THEM5: variants seen among roughly 807,000 people sequenced by gnomAD.
The protein encoded by THEM5 is acyl-coenzyme A thioesterase THEM5.
A neutral mutation model predicts 24.2 loss-of-function variants in THEM5; 28 were observed. That is an observed-to-expected ratio of 1.16 (90% CI 0.86 to 1.59). The LOEUF is 1.59. Among genes scored for constraint, THEM5 ranks in the 40% most tolerant of loss-of-function variants. The pLI, the probability that THEM5 is intolerant of heterozygous loss-of-function variation, is 0.00. For missense variants in THEM5, 260 were observed against 296.8 expected (o/e 0.88, Z 0.91); for synonymous variants, 87 against 114.5 (o/e 0.76, Z 1.53).
intron 2 of THEM5, 76 bp downstream of exon 2, chr1:151,852,182 T>G (rs1187264769): frequency 7.1e-7 from 1 of 1,399,866 alleles, no homozygotes; most frequent in African/African-American, 1.4e-5. Flanking sequence ...TGGAAGGCGG[T>G]CTGTGAAGTT....
intron 4 of THEM5, 128 bp from the exon 5 acceptor site, chr1:151,847,990 G>A: frequency 6.6e-7 from 1 of 1,518,740 alleles, no homozygotes; most frequent in South Asian, 1.3e-5. Context: ...CTGGGCTCAG[G>A]GCCTTTTTGT....
Position 151,848,309 on chromosome 1 carries a change from G to A in THEM5, c.465-17C>T, listed in dbSNP as rs1410290255. The A allele has an allele frequency of 6.2e-7, 1 of 1,609,592 alleles. No homozygotes were observed. Among genetic ancestry groups the A allele is most frequent in the Admixed American group, 1.7e-5 (1 of 60,004 alleles). On this transcript the variant is annotated splice_polypyrimidine_tract_variant and intron_variant, in intron 3 of 5. Coordinates refer to ENST00000368817, the MANE Select transcript of THEM5 (RefSeq NM_182578.4). The stretch of plus-strand genomic sequence containing the variant: ...TGAGCAAACCTGGGGGTGGGGTAAG[G>A]TGAGGAGCAAGGCCTGGGCTGGGGC...
chr1:151,847,695 G>A (rs780731280), intron 5 of THEM5, 43 bp downstream of exon 5: 2 of 1,605,228 alleles, frequency 1.2e-6, no homozygotes, highest in East Asian at 2.2e-5. Context: ...GGGGGTGGGT[G>A]GTGGTGGGAC....
intron 1 of THEM5, 105 bp from the exon 2 acceptor site, chr1:151,852,564 C>A: frequency 4.7e-6 from 5 of 1,064,870 alleles, no homozygotes; most frequent in Non-Finnish European, 7.0e-6. Flanking sequence ...GCTTCTCAAT[C>A]CCTTCTGCCA....
chr1:151,852,468 G>C lies in THEM5; in HGVS notation c.124-9C>G, dbSNP rs1653156917. The C allele has an allele frequency of 6.2e-7, 1 of 1,614,054 alleles. No homozygotes were observed. The highest frequency in any genetic ancestry group is 8.5e-7 in the Non-Finnish European group (1 of 1,179,994). On this transcript the variant is annotated splice_polypyrimidine_tract_variant and intron_variant, in intron 1 of 5. Coordinates refer to ENST00000368817, the MANE Select transcript of THEM5 (RefSeq NM_182578.4). ...GGCAAGAATCTTGAGAACTGGGCAG[G>C]AAAAATCAGAATGACTAGACAGCAT...
Position 151,851,107 on chromosome 1 carries a change from T to A in THEM5, c.410A>T (p.Gln137Leu). Reference sequence around the variant, plus strand: ...TTGGAAAAGACAGACCGACTTCTTCTGGGTTGGCTGGAAAAAGATGACATA... The same window carrying A: ...TTGGAAAAGACAGACCGACTTCTTCAGGGTTGGCTGGAAAAAGATGACATA... Reference protein sequence around the residue: ...FEYVIFFQPTQKKSVCLFQPG... With the variant: ...FEYVIFFQPTLKKSVCLFQPG... Residue 137 changes from glutamine (Q) to leucine (L), a missense_variant, in exon 3 of 6, where the codon CAG becomes CTG. Coordinates refer to ENST00000368817, the MANE Select transcript of THEM5 (RefSeq NM_182578.4). The A allele has an allele frequency of 6.2e-7, 1 of 1,614,218 alleles. No homozygotes were observed. Among genetic ancestry groups the A allele is most frequent in the Non-Finnish European group, 8.5e-7 (1 of 1,180,046 alleles).
At chr1:151,853,250 G>T (rs1402161610) in intron 1 of THEM5, among the ~76,000 whole-genome samples, 193 bp downstream of exon 1, 1 of 152,238 alleles carries the variant, frequency 6.6e-6, no homozygotes, top group African/African-American at 2.4e-5. Context: ...CCAGATGCAG[G>T]TCTCCTGGTA....
chr1:151,850,744 CAG>C (rs961245625), intron 3 of THEM5, among the ~76,000 whole-genome samples: 12 of 152,192 alleles, frequency 7.9e-5, no homozygotes, highest in African/African-American at 2.7e-4. Flanking sequence ...GACACCAAGT[CAG>C]AGTCTAGATT....
At position 151,852,593 on chromosome 1, in the gene THEM5, A is replaced by C. The variant is rs1653160243; in HGVS notation, c.124-134T>G. On this transcript the variant is annotated intron_variant, in intron 1 of 5. Transcript: ENST00000368817. Reference sequence around the variant, plus strand: ...TCTGCCAGAGTATCGATCCAAGGGAAAGGGCCCATATTCCTTGCAGGGGGG... The same window carrying C: ...TCTGCCAGAGTATCGATCCAAGGGACAGGGCCCATATTCCTTGCAGGGGGG... The C allele has an allele frequency of 6.1e-6, 5 of 819,788 alleles. No individual in the cohort carries two copies. In the South Asian group the frequency reaches 6.7e-5, roughly 11 times the overall value. The allele number at this position is 819,788 out of a possible 1,614,324, so 50.8% of individuals were successfully genotyped here.
intron 3 of THEM5, 106 bp downstream of exon 3, chr1:151,850,947 C>A (rs1415693682): frequency 7.0e-7 from 1 of 1,421,910 alleles, no homozygotes; most frequent in Non-Finnish European, 9.5e-7. Flanking sequence ...CTCCCTTCCT[C>A]ACCCCTTAGA....
At chr1:151,848,441 A>G in intron 3 of THEM5, 149 bp from the exon 4 acceptor site, 2 of 615,510 alleles carry the variant, frequency 3.2e-6, no homozygotes, top group South Asian at 4.0e-5. Context: ...AGGGCAGCCA[A>G]ATAGGAAAGA....
intron 3 of THEM5, among the ~76,000 whole-genome samples, chr1:151,850,634 C>G (rs78213413): frequency 6.6e-6 from 1 of 152,162 alleles, no homozygotes; most frequent in African/African-American, 2.4e-5. Context: ...TCTGGTCACC[C>G]TGGCAGGTAG....
intron 3 of THEM5, 35 bp downstream of exon 3, chr1:151,851,016 GCC>G (rs1183911963): frequency 5.6e-6 from 9 of 1,612,412 alleles, no homozygotes; most frequent in Non-Finnish European, 7.6e-6. Flanking sequence ...GCTGAGCCAA[GCC>G]CAGGAGGCAG....
Position 151,851,231 on chromosome 1 carries a change from G to A in THEM5, c.326-40C>T, listed in dbSNP as rs770657668. The A allele has an allele frequency of 3.7e-6, 6 of 1,613,484 alleles. No homozygotes were observed. The East Asian group carries it at 1.3e-4, about 36-fold the overall frequency. ...GCAGTGTTGCAGCCGGAGAAGGGAG[G>A]GTATGGTCAGGATGCAGCACCATTT... On this transcript the variant is annotated intron_variant, in intron 2 of 5. Transcript: ENST00000368817.
At position 151,848,255 on chromosome 1, in the gene THEM5, C is replaced by T. The variant is rs199853939; in HGVS notation, c.502G>A (p.Glu168Lys). 1.1e-4 allele frequency: 177 copies of T among 1,614,008 alleles called. No homozygotes were observed. Among genetic ancestry groups the T allele is most frequent in the Middle Eastern group, 1.6e-4 (1 of 6,082 alleles). Reference sequence around the variant, plus strand: ...AGGAAGGCAGTTTTAGAAAAGGTCTCGTCCATCATGGCTGCCAGGGACCCG... The same window carrying T: ...AGGAAGGCAGTTTTAGAAAAGGTCTTGTCCATCATGGCTGCCAGGGACCCG... ...HGGSLAAMMDETFSKTAFLAG... is the reference protein window; with the variant it reads ...HGGSLAAMMDKTFSKTAFLAG... Residue 168 changes from glutamate to lysine, a missense_variant, in exon 4 of 6, where the codon GAG (glutamate) becomes AAG (lysine). Physicochemically the swap from Glu to Lys is moderately conservative, Grantham distance 56 (BLOSUM62 1). Transcript: ENST00000368817.
intron 1 of THEM5, among the ~76,000 whole-genome samples, chr1:151,852,890 G>T (rs1653166189): frequency 6.6e-6 from 1 of 152,216 alleles, no homozygotes; most frequent in Non-Finnish European, 1.5e-5. Flanking sequence ...CTGCAGGGCA[G>T]GGTCACAGTT....
intron 3 of THEM5, 95 bp from the exon 4 acceptor site, chr1:151,848,387 C>T: frequency 1.1e-6 from 1 of 938,722 alleles, no homozygotes; most frequent in South Asian, 1.4e-5. Flanking sequence ...GTGATCCTAC[C>T]TTTCCCTTTC....
rs946009054 is a variant in THEM5 at position 151,853,583 on chromosome 1, C to A, written c.-18G>T. The A allele has an allele frequency of 2.5e-6, 4 of 1,605,668 alleles. No homozygotes were observed. Among genetic ancestry groups the A allele is most frequent in the Non-Finnish European group, 3.4e-6 (4 of 1,175,568 alleles). Reference sequence around the variant, plus strand: ...CTTATCATGGCCAAGTGCAAGGATCCAGCCCTGCTTGGATGGAGGGTCTTG... The same window carrying A: ...CTTATCATGGCCAAGTGCAAGGATCAAGCCCTGCTTGGATGGAGGGTCTTG... On this transcript the variant is annotated 5_prime_UTR_variant, in exon 1 of 6. Coordinates refer to ENST00000368817, the MANE Select transcript of THEM5 (RefSeq NM_182578.4).
rs200585408 is a variant in THEM5 at position 151,852,359 on chromosome 1, T to C, written c.224A>G (p.Glu75Gly). ...GATCCAGCCGCTAGACTTAGTCTTCTCCAGAAATTCTTGGTACAGGCTCAG... is the reference window on the plus strand; with the variant it reads ...GATCCAGCCGCTAGACTTAGTCTTCCCCAGAAATTCTTGGTACAGGCTCAG... ...DMLSLYQEFL[E>G]KTKSSGWIKL... is the part of the protein sequence containing the mutation. Residue 75 changes from glutamate (E) to glycine (G), a missense_variant, in exon 2 of 6, where the codon GAG becomes GGG. Coordinates refer to ENST00000368817, the MANE Select transcript of THEM5 (RefSeq NM_182578.4). 17 of 1,614,114 alleles carry C rather than the reference T, an allele frequency of 1.1e-5. No individual in the cohort carries two copies. Among genetic ancestry groups the C allele is most frequent in the Non-Finnish European group, 1.3e-5 (15 of 1,180,028 alleles).
Sources: gnomAD v4.1 joint callset for allele counts (sites outside exome capture counted in the v4.1 genomes callset) on GRCh38, gnomAD v4.1.1 for gene constraint, MANE v1.5 for transcripts, NCBI Gene and HGNC (gene_info 2026-07-23, HGNC 2026-07-21) for gene names.